Variants in PCLO observed in about 807,000 individuals in gnomAD.
PCLO encodes protein piccolo.
A neutral mutation model predicts 427.5 loss-of-function variants in PCLO; 82 were observed. The observed-to-expected ratio is 0.19, with a 90% CI of 0.16 to 0.23. The LOEUF (loss-of-function observed/expected upper bound fraction) is 0.23. Among genes scored for constraint, PCLO ranks in the 10% least tolerant of loss-of-function variants. The pLI is 1.00. For missense variants in PCLO, 6,239 were observed against 6,115.9 expected (o/e 1.02, Z -0.67); for synonymous variants, 2,357 against 2,155.4 (o/e 1.09, Z -2.59).
Position 82,761,461 on chromosome 7 carries a change from C to A in PCLO, c.15040G>T (p.Ala5014Ser). ...TCTGTCTTCATTTCCTTCTTCAATG[C>A]AATCTTGATTTCTCCCATTACCTGA... ...KTQVMGEIKI[A>S]LKKEMKTDGE... Residue 5014 changes from alanine to serine, a missense_variant, in exon 23 of 25, where the codon GCA becomes TCA. Around this residue, in one of 5 missense-constraint regions of PCLO, gnomAD observed 877 missense variants for 925.5 expected, o/e 0.95. Coordinates refer to ENST00000333891, the MANE Select transcript of PCLO (RefSeq NM_033026.6). 6.3e-7 allele frequency: 1 copy of A among 1,598,698 alleles called. No individual in the cohort carries two copies. Among genetic ancestry groups the A allele is most frequent in the Non-Finnish European group, 8.5e-7 (1 of 1,171,840 alleles).
In PCLO at chr7:82,916,645, G is replaced by T. The variant is rs865939646; in HGVS notation, c.11341C>A (p.Arg3781=). 12 of 1,613,302 alleles carry T rather than the reference G, an allele frequency of 7.4e-6. No individual in the cohort carries two copies. Among genetic ancestry groups the T allele is most frequent in the Non-Finnish European group, 1.0e-5 (12 of 1,179,706 alleles). ...TCATCAAGCTCTGCTTGTTTCTTTCGAAGTTTTGCAGACTCCCTTTCCACA... is the reference window on the plus strand; with the variant it reads ...TCATCAAGCTCTGCTTGTTTCTTTCTAAGTTTTGCAGACTCCCTTTCCACA... ...DLVERESAKL[R]KKQAELDEEE... The change falls in exon 7 of 25, where the codon CGA becomes AGA. Residue 3781 remains arginine (R), a synonymous_variant. Coordinates refer to ENST00000333891, the MANE Select transcript of PCLO (RefSeq NM_033026.6).
At chr7:83,037,989 T>TTA (rs1161030427) in intron 3 of PCLO, among the ~76,000 whole-genome samples, 216 of 13,574 alleles carry the variant, frequency 0.016, 7 homozygotes, top group South Asian at 0.024. Flanking sequence ...AAGGAGGAGC[T>TTA]TATATATATA....
intron 22 of PCLO, among the ~76,000 whole-genome samples, chr7:82,778,692 T>A (rs964364533): frequency 6.6e-6 from 1 of 152,102 alleles, no homozygotes; most frequent in East Asian, 1.9e-4. Context: ...GAAGTACTAG[T>A]ATTTTTTTTC....
rs1054073844 is a variant in PCLO, at chr7:83,135,073, G to A, written c.2477C>T (p.Ser826Leu). Reference protein sequence around the residue: ...FDSKAIPRPASDSKIISHPGP... With the variant: ...FDSKAIPRPALDSKIISHPGP... ...AGGATGTGAAATAATTTTTGAATCTGATGCAGGTCGAGGTATGGCTTTAGA... is the reference window on the plus strand; with the variant it reads ...AGGATGTGAAATAATTTTTGAATCTAATGCAGGTCGAGGTATGGCTTTAGA... Residue 826 changes from serine to leucine, a missense_variant, in exon 3 of 25, where the codon TCA (serine) becomes TTA (leucine). Physicochemically the swap from Ser to Leu is moderately radical, Grantham distance 145. Around this residue, in one of 5 missense-constraint regions of PCLO, gnomAD observed 4,677 missense variants for 4,468.4 expected, o/e 1.05. Transcript: ENST00000333891. The A allele has an allele frequency of 1.9e-6, 3 of 1,613,888 alleles. No homozygotes were observed. The highest frequency in any genetic ancestry group is 2.5e-6 in the Non-Finnish European group (3 of 1,179,838).
chr7:83,069,799 C>CCCCACACACA (rs1554390635), intron 3 of PCLO, among the ~76,000 whole-genome samples: 1 of 75,510 alleles, frequency 1.3e-5, no homozygotes, highest in African/African-American at 5.6e-5. Flanking sequence ...ACCCCCCCGC[C>CCCCACACACA]CACACACACA....
rs547719137 is a variant in PCLO at position 83,093,735 on chromosome 7, C to T, written c.3300+40515G>A. 6.8e-5 allele frequency among the ~76,000 whole-genome samples: 10 copies of T among 148,060 alleles called. No individual in the cohort carries two copies. In the East Asian group the frequency reaches 8.0e-4, roughly 12 times the overall value. ...GTCTCGATCTCCTGACCTCGTGATCCGCCAGCCTCGGCCTCCCAAAGCGTT... is the reference window on the plus strand; with the variant it reads ...GTCTCGATCTCCTGACCTCGTGATCTGCCAGCCTCGGCCTCCCAAAGCGTT... On this transcript the variant is annotated intron_variant, in intron 3 of 24. Coordinates refer to ENST00000333891, the MANE Select transcript of PCLO (RefSeq NM_033026.6).
In PCLO at chr7:82,953,757, A is replaced by C; in HGVS notation, c.7196T>G (p.Leu2399Trp). Residue 2399 changes from leucine to tryptophan, a missense_variant, in exon 5 of 25, where the codon TTG becomes TGG. This residue lies in a region of PCLO where 4,677 missense variants were observed against 4,468.4 expected (regional missense o/e 1.05). Transcript: ENST00000333891. The part of the protein sequence containing the change: ...KPRPFFRSSS[L>W]DISAQPPPPP... The stretch of plus-strand genomic sequence containing the variant: ...GGGAGGAGGTTGAGCTGATATATCC[A>C]AAGAAGAACTTCTAAAGAATGGGCG... 1 of 1,555,154 alleles carries C rather than the reference A, an allele frequency of 6.4e-7. No homozygotes were observed. The highest frequency in any genetic ancestry group is 8.7e-7 in the Non-Finnish European group (1 of 1,148,710).
chr7:82,879,263 T>C (rs1169604910), intron 10 of PCLO, 74 bp downstream of exon 10: 19 of 1,290,554 alleles, frequency 1.5e-5, no homozygotes, highest in Non-Finnish European at 1.9e-5. Context: ...GATGAGAACA[T>C]TTGCATATTA....
chr7:82,912,957 G>T (rs999568998), intron 7 of PCLO, among the ~76,000 whole-genome samples: 3 of 151,850 alleles, frequency 2.0e-5, no homozygotes, highest in Non-Finnish European at 2.9e-5. Flanking sequence ...TTATTTTATA[G>T]ACATGACTAT....
intron 3 of PCLO, among the ~76,000 whole-genome samples, chr7:82,995,295 G>T (rs1796470152): frequency 6.6e-6 from 1 of 151,960 alleles, no homozygotes; most frequent in African/African-American, 2.4e-5. Context: ...GTGGAACACA[G>T]GAAAGAGAGC....
chr7:82,821,189 G>C, intron 20 of PCLO: 5 of 994,732 alleles, frequency 5.0e-6, no homozygotes, highest in Non-Finnish European at 6.0e-6. Flanking sequence ...GCCATTGGCT[G>C]GTGGAGGCAG....
chr7:82,796,876 A>G (rs1791233842), intron 22 of PCLO, among the ~76,000 whole-genome samples: 1 of 150,240 alleles, frequency 6.7e-6, no homozygotes, highest in East Asian at 2.0e-4. Flanking sequence ...TGTAGGATCC[A>G]AAGTTTTAAT....
In PCLO at chr7:82,937,561, G is replaced by A. The variant is rs531018377; in HGVS notation, c.11112+11915C>T. 2.9e-3 allele frequency among the ~76,000 whole-genome samples: 443 copies of A among 151,698 alleles called. 2 individuals are homozygous for A. Among genetic ancestry groups the A allele is most frequent in the Non-Finnish European group, 3.9e-3 (261 of 67,650 alleles). ...CTCATCTGAGTAATTATGATCTCAT[G>A]TGCTTTTGGAAACTTTATCTAATTT... On this transcript the variant is annotated intron_variant, in intron 6 of 24. Transcript: ENST00000333891.
chr7:82,959,941 C>A (rs532071010), intron 4 of PCLO, among the ~76,000 whole-genome samples: 1 of 152,106 alleles, frequency 6.6e-6, no homozygotes, highest in Non-Finnish European at 1.5e-5. Context: ...CGATCGGAGC[C>A]CCATTTGGAT....
chr7:83,122,057 C>T (rs2116565094), intron 3 of PCLO, among the ~76,000 whole-genome samples: 1 of 152,034 alleles, frequency 6.6e-6, no homozygotes, highest in Non-Finnish European at 1.5e-5. Flanking sequence ...AAGACAAAAC[C>T]ATATGATCCT....
Position 83,155,258 on chromosome 7 carries a change from G to A in PCLO, c.1383C>T (p.Ala461=), listed in dbSNP as rs369708979. ...GAGGCTTTGTTGGGCCAGTCTGCTG[G>A]GCAGAAGTCTTTCCGGGTCCTGCCT... ...AQQAGPGKTS[A]QQTGPTKPPS... The change falls in exon 2 of 25, where the codon GCC becomes GCT. Residue 461 remains alanine, a synonymous_variant. Coordinates refer to ENST00000333891, the MANE Select transcript of PCLO (RefSeq NM_033026.6). 3.1e-6 allele frequency: 5 copies of A among 1,613,482 alleles called. No homozygotes were observed. Among genetic ancestry groups the A allele is most frequent in the East Asian group, 4.5e-5 (2 of 44,828 alleles).
At chr7:82,842,289 C>T (rs1371460899) in intron 13 of PCLO, among the ~76,000 whole-genome samples, 2 of 151,952 alleles carry the variant, frequency 1.3e-5, no homozygotes, top group African/African-American at 2.4e-5. Context: ...ACATAATGGG[C>T]AAAGGATAGT....
chr7:82,983,807 T>C (rs1392004894), intron 3 of PCLO, among the ~76,000 whole-genome samples: 1 of 151,940 alleles, frequency 6.6e-6, no homozygotes, highest in Admixed American at 6.6e-5. Context: ...GAGTTATATG[T>C]TCTTTTACAT....
At chr7:82,935,829 C>A (rs1473587053) in intron 6 of PCLO, among the ~76,000 whole-genome samples, 1 of 151,626 alleles carries the variant, frequency 6.6e-6, no homozygotes, top group East Asian at 1.9e-4. Flanking sequence ...ATTGATCCCT[C>A]TATTAAAGCA....
Sources: allele counts gnomAD v4.1 joint callset (sites outside exome capture counted in the v4.1 genomes callset), GRCh38; gene constraint gnomAD v4.1.1; regional missense constraint gnomAD v4.1.1; transcripts MANE v1.5; gene names NCBI Gene and HGNC (gene_info 2026-07-23, HGNC 2026-07-21).